Variants in RSU1 observed in about 807,000 individuals in gnomAD.
RSU1 encodes the protein Ras suppressor protein 1.
In RSU1, 26 loss-of-function variants were observed where a neutral mutation model predicts 31.1. The observed-to-expected ratio is 0.84, with a 90% CI of 0.61 to 1.16. The LOEUF (loss-of-function observed/expected upper bound fraction) is 1.16. RSU1 is among the 50% of genes most tolerant of loss of function. RSU1 has a pLI of 0.00. For synonymous variants in RSU1, 164 were observed against 136.3 expected (o/e 1.20, Z -1.41); for missense variants, 320 against 339.1 (o/e 0.94, Z 0.44).
intron 8 of RSU1, among the ~76,000 whole-genome samples, chr10:16,618,563 C>T (rs1834018388): frequency 6.6e-6 from 1 of 152,192 alleles, no homozygotes; most frequent in African/African-American, 2.4e-5. Flanking sequence ...ACAGCAAAGA[C>T]TTGGAACCAA....
chr10:16,711,174 C>T (rs1466176594), intron 7 of RSU1, among the ~76,000 whole-genome samples: 2 of 152,086 alleles, frequency 1.3e-5, no homozygotes, highest in Non-Finnish European at 2.9e-5. Flanking sequence ...TCTATTTCTT[C>T]CATATTATCA....
chr10:16,739,414 TGA>T (rs752333415), intron 7 of RSU1, among the ~76,000 whole-genome samples: 31 of 151,656 alleles, frequency 2.0e-4, no homozygotes, highest in Non-Finnish European at 4.3e-4. Context: ...CTAACTGGTG[TGA>T]GATGGTATCT....
rs766812057 is a variant in RSU1, at chr10:16,779,376, C to T, written c.160+2658G>A. 1.1e-4 allele frequency among the ~76,000 whole-genome samples: 17 copies of T among 152,200 alleles called. 1 individual carries two copies. Among genetic ancestry groups the T allele is most frequent in the Non-Finnish European group, 2.2e-4 (15 of 68,042 alleles). On this transcript the variant is annotated intron_variant, in intron 3 of 8. Transcript: ENST00000345264. ...CTTCCTTGTCGCCTCACTTTTACTG[C>T]CCTGGGTAGACATGTCAAGGCCAAA...
intron 7 of RSU1, among the ~76,000 whole-genome samples, chr10:16,714,500 C>T (rs534451500): frequency 5.9e-5 from 9 of 152,238 alleles, no homozygotes; most frequent in South Asian, 2.1e-4. Flanking sequence ...ATGGATGCAC[C>T]GCGCTTGGTG....
chr10:16,813,619 G>C (rs1180521345), intron 2 of RSU1, among the ~76,000 whole-genome samples: 1 of 152,184 alleles, frequency 6.6e-6, no homozygotes, highest in Non-Finnish European at 1.5e-5. Context: ...AGTAACTTGA[G>C]GATCAGAGAG....
At chr10:16,674,559 G>A (rs1020756976) in intron 8 of RSU1, among the ~76,000 whole-genome samples, 5 of 152,146 alleles carry the variant, frequency 3.3e-5, no homozygotes, top group Middle Eastern at 3.4e-3. Context: ...ACAAAACTAC[G>A]TCTCCCGCTC....
At position 16,591,534 on chromosome 10, in the gene RSU1, CACTTAAT is replaced by C. The variant is rs1833504559; in HGVS notation, c.*1853_*1859del. 1 of 152,148 alleles carries C rather than the reference CACTTAAT, an allele frequency of 6.6e-6. No individual in the cohort carries two copies. The allele number at this position is 152,148 out of a possible 1,614,324, so 9.4% of individuals were successfully genotyped here. A position where few individuals can be genotyped will look rare whatever the true frequency, so the allele number is the denominator to read the frequency against. On this transcript the variant is annotated 3_prime_UTR_variant, in exon 9 of 9. Coordinates refer to ENST00000345264, the MANE Select transcript of RSU1 (RefSeq NM_012425.4). Reference sequence around the variant, plus strand: ...TGTTTATTTCATGTTACTCCTCTTGCACTTAATACTGCCTTAAAAAATATTTGCACAT... The same window carrying C: ...TGTTTATTTCATGTTACTCCTCTTGCACTGCCTTAAAAAATATTTGCACAT...
intron 4 of RSU1, among the ~76,000 whole-genome samples, chr10:16,762,972 G>A (rs1837238859): frequency 6.6e-6 from 1 of 150,754 alleles, no homozygotes; most frequent in African/African-American, 2.5e-5. Context: ...CAGATCGCCT[G>A]GTGACAAAGC....
chr10:16,816,103 G>A (rs1201470430), intron 2 of RSU1, among the ~76,000 whole-genome samples: 2 of 152,214 alleles, frequency 1.3e-5, no homozygotes, highest in Non-Finnish European at 2.9e-5. Flanking sequence ...AACTGCTTTA[G>A]CTCACTTATC....
chr10:16,605,514 G>A (rs1317857119), intron 8 of RSU1, among the ~76,000 whole-genome samples: 2 of 152,172 alleles, frequency 1.3e-5, no homozygotes, highest in African/African-American at 2.4e-5. Flanking sequence ...CAGGGACTAG[G>A]CCAACATCAC....
chr10:16,763,944 G>T (rs1369085168), intron 4 of RSU1, among the ~76,000 whole-genome samples: 1 of 152,170 alleles, frequency 6.6e-6, no homozygotes, highest in African/African-American at 2.4e-5. Flanking sequence ...CTAAAGAGAA[G>T]AATTGCATAA....
intron 3 of RSU1, among the ~76,000 whole-genome samples, chr10:16,769,753 G>A (rs1178825735): frequency 6.6e-6 from 1 of 152,184 alleles, no homozygotes; most frequent in Non-Finnish European, 1.5e-5. Flanking sequence ...TACCCCATGC[G>A]ATAATGCGAT....
intron 2 of RSU1, among the ~76,000 whole-genome samples, chr10:16,813,203 ATG>A (rs1447434890): frequency 6.6e-6 from 1 of 152,190 alleles, no homozygotes. Flanking sequence ...TTTAACGAGA[ATG>A]TGTGTGCAAA....
intron 8 of RSU1, among the ~76,000 whole-genome samples, chr10:16,611,089 G>C (rs962324407): frequency 6.6e-6 from 1 of 152,168 alleles, no homozygotes; most frequent in Non-Finnish European, 1.5e-5. Flanking sequence ...CCCAGCGCCC[G>C]GCTGGCTAGA....
chr10:16,653,146 T>C (rs1013473474), intron 8 of RSU1, among the ~76,000 whole-genome samples: 1 of 152,158 alleles, frequency 6.6e-6, no homozygotes, highest in African/African-American at 2.4e-5. Context: ...ACAGTGCTCA[T>C]GAGGCAAGCA....
intron 2 of RSU1, among the ~76,000 whole-genome samples, chr10:16,807,251 C>CTCA (rs1838292617): frequency 6.6e-6 from 1 of 152,168 alleles, no homozygotes. Context: ...TTCATTTGGC[C>CTCA]TCACCCTTAA....
intron 7 of RSU1, among the ~76,000 whole-genome samples, chr10:16,731,848 T>C (rs527749005): frequency 6.6e-5 from 10 of 152,322 alleles, no homozygotes; most frequent in South Asian, 2.1e-4. Context: ...AGTAGCTTTC[T>C]GCCATTTATC....
intron 7 of RSU1, among the ~76,000 whole-genome samples, chr10:16,704,925 A>C (rs1835863873): frequency 6.6e-6 from 1 of 152,154 alleles, no homozygotes; most frequent in South Asian, 2.1e-4. Context: ...GGTGATATTA[A>C]TACATTTGTA....
rs151171582 is a variant in RSU1 at position 16,730,105 on chromosome 10, C to T, written c.598+22434G>A. Among the ~76,000 whole-genome samples, 42 of 152,166 alleles carry T rather than the reference C, an allele frequency of 2.8e-4. 1 individual carries two copies. The East Asian group carries it at 6.2e-3, about 22-fold the overall frequency. On this transcript the variant is annotated intron_variant, in intron 7 of 8. Coordinates refer to ENST00000345264, the MANE Select transcript of RSU1 (RefSeq NM_012425.4). Reference sequence around the variant, plus strand: ...GGGAGCTGTTGTGTATAGATGACAGCGAGAGGATGGAGGGCAAGACGGAAG... The same window carrying T: ...GGGAGCTGTTGTGTATAGATGACAGTGAGAGGATGGAGGGCAAGACGGAAG...
Sources: gnomAD v4.1 joint callset for allele counts (sites outside exome capture counted in the v4.1 genomes callset) on GRCh38, gnomAD v4.1.1 for gene constraint, MANE v1.5 for transcripts, NCBI Gene and HGNC (gene_info 2026-07-23, HGNC 2026-07-21) for gene names.